CFAP57: variants seen among roughly 807,000 people sequenced by gnomAD.
CFAP57 encodes the protein cilia- and flagella-associated protein 57.
A neutral mutation model predicts 146.8 loss-of-function variants in CFAP57; 116 were observed. The observed-to-expected ratio is 0.79, with a 90% confidence interval of 0.68 to 0.92. The LOEUF (loss-of-function observed/expected upper bound fraction) is 0.92, where lower values mean the gene tolerates loss of function less well. Among genes scored for constraint, CFAP57 ranks in the 40% least tolerant of loss-of-function variants. The probability of loss-of-function intolerance (pLI) is 0.00; values close to 1 mark genes in which losing one functional copy is unlikely to be tolerated. For synonymous variants in CFAP57, 518 were observed against 552.8 expected (o/e 0.94, Z 0.88); for missense variants, 1,377 against 1,527.2 (o/e 0.90, Z 1.64).
chr1:43,176,916 G>C (rs897190029), intron 2 of CFAP57, among the ~76,000 whole-genome samples: 1 of 152,086 alleles, frequency 6.6e-6, no homozygotes, highest in Non-Finnish European at 1.5e-5. Context: ...AGTTAGGAGG[G>C]TGCTTATTGT....
At chr1:43,218,481 G>T (rs1644920450) in intron 12 of CFAP57, among the ~76,000 whole-genome samples, 1 of 151,990 alleles carries the variant, frequency 6.6e-6, no homozygotes, top group African/African-American at 2.4e-5. Context: ...GGTGGGGCAT[G>T]CCTGTAGTCC....
intron 11 of CFAP57, 53 bp downstream of exon 11, chr1:43,209,969 C>T: frequency 1.9e-6 from 3 of 1,613,430 alleles, no homozygotes; most frequent in Non-Finnish European, 2.5e-6. Flanking sequence ...CTGCTACGTG[C>T]CTTGTTCATC....
chr1:43,214,748 A>G (rs1644769657), intron 11 of CFAP57, among the ~76,000 whole-genome samples: 2 of 152,272 alleles, frequency 1.3e-5, no homozygotes, highest in Non-Finnish European at 2.9e-5. Flanking sequence ...CCAAGAATGT[A>G]TGAGACCCAG....
At chr1:43,244,043 A>G (rs1266478059) in intron 22 of CFAP57, among the ~76,000 whole-genome samples, 3 of 152,236 alleles carry the variant, frequency 2.0e-5, no homozygotes, top group Non-Finnish European at 4.4e-5. Flanking sequence ...TCTCTGAGAA[A>G]CTTACCACAT....
intron 21 of CFAP57, among the ~76,000 whole-genome samples, chr1:43,240,892 T>C (rs990873445): frequency 6.6e-6 from 1 of 152,202 alleles, no homozygotes; most frequent in African/African-American, 2.4e-5. Context: ...TGGAGTGCAG[T>C]GGCACGATCT....
At chr1:43,192,511 T>C (rs1433029982) in intron 6 of CFAP57, among the ~76,000 whole-genome samples, 1 of 152,118 alleles carries the variant, frequency 6.6e-6, no homozygotes, top group African/African-American at 2.4e-5. Context: ...TAATCCCAGC[T>C]ACTCAGGAGG....
At chr1:43,190,777 TTATAC>T (rs1208316688) in intron 6 of CFAP57, among the ~76,000 whole-genome samples, 8 of 152,132 alleles carry the variant, frequency 5.3e-5, no homozygotes, top group Non-Finnish European at 1.5e-5. Context: ...ATATAGTATA[TTATAC>T]TAAGTGATTT....
intron 6 of CFAP57, among the ~76,000 whole-genome samples, chr1:43,192,788 G>A (rs890814866): frequency 2.0e-5 from 3 of 151,700 alleles, no homozygotes; most frequent in Admixed American, 6.6e-5. Flanking sequence ...TTAGCTGGGC[G>A]TGGTGGCACA....
intron 9 of CFAP57, among the ~76,000 whole-genome samples, chr1:43,200,495 AAAAGAAAGAAAG>A (rs376180757): frequency 4.7e-5 from 7 of 150,510 alleles, no homozygotes; most frequent in African/African-American, 1.7e-4. Context: ...CTGAAAAAAA[AAAAGAAAGAAAG>A]AAAGAAAGAA....
chr1:43,175,788 A>G (rs971170425), intron 2 of CFAP57, among the ~76,000 whole-genome samples: 1 of 150,060 alleles, frequency 6.7e-6, no homozygotes, highest in African/African-American at 2.5e-5. Context: ...TTACAGGTGC[A>G]AGCCACCACA....
Position 43,172,929 on chromosome 1 carries a change from T to C in CFAP57, c.157+19T>C, listed in dbSNP as rs748986073. 6.2e-7 allele frequency: 1 copy of C among 1,609,680 alleles called. No homozygotes were observed. The highest frequency in any genetic ancestry group is 2.2e-5 in the East Asian group (1 of 44,858). On this transcript the variant is annotated intron_variant, in intron 2 of 22. Transcript: ENST00000372492. ...ATTCCAGGTAAAACTTTTTCCATCC[T>C]GACATATACAGGAATGGTATGTGCC...
At chr1:43,248,533 G>A (rs967963535) in intron 22 of CFAP57, among the ~76,000 whole-genome samples, 10 of 151,386 alleles carry the variant, frequency 6.6e-5, no homozygotes, top group Non-Finnish European at 1.2e-4. Context: ...TGTTATCCAG[G>A]ATGGTCTTGA....
At chr1:43,185,045 T>G in intron 4 of CFAP57, 104 bp from the exon 5 acceptor site, 1 of 1,226,768 alleles carries the variant, frequency 8.2e-7, no homozygotes, top group Non-Finnish European at 1.2e-6. Context: ...GATCATTGGG[T>G]GGTTTCTGTC....
intron 11 of CFAP57, chr1:43,211,600 A>G (rs1322948056): frequency 2.7e-5 from 4 of 149,874 alleles, no homozygotes; most frequent in African/African-American, 9.8e-5. Context: ...AAATCCTCAT[A>G]ATGGTATCAT....
chr1:43,239,023 C>T (rs376788165), intron 21 of CFAP57, among the ~76,000 whole-genome samples: 3 of 151,828 alleles, frequency 2.0e-5, no homozygotes, highest in East Asian at 2.0e-4. Context: ...TTCTGCTTGC[C>T]GCCTCCTGGC....
chr1:43,236,912 C>CG (rs112784557), intron 21 of CFAP57, among the ~76,000 whole-genome samples: 2 of 122,592 alleles, frequency 1.6e-5, no homozygotes, highest in African/African-American at 2.9e-5. Flanking sequence ...CCATCCCCCC[C>CG]CAAAAAAAAA....
At chr1:43,245,802 T>A (rs1411919655) in intron 22 of CFAP57, among the ~76,000 whole-genome samples, 1 of 152,154 alleles carries the variant, frequency 6.6e-6, no homozygotes, top group Admixed American at 6.5e-5. Flanking sequence ...AGGAAAGAAC[T>A]CCTCCAGACT....
chr1:43,251,269 A>G (rs1164759323), intron 22 of CFAP57, among the ~76,000 whole-genome samples: 1 of 152,264 alleles, frequency 6.6e-6, no homozygotes, highest in Non-Finnish European at 1.5e-5. Context: ...CAGGTGCTGC[A>G]GCCAAGGAGA....
intron 22 of CFAP57, among the ~76,000 whole-genome samples, chr1:43,253,553 A>G (rs764901601): frequency 4.6e-5 from 7 of 152,146 alleles, no homozygotes; most frequent in Admixed American, 1.3e-4. Flanking sequence ...GAGTGGACAC[A>G]CCTGGAGAGG....
Sources: allele counts gnomAD v4.1 joint callset (sites outside exome capture counted in the v4.1 genomes callset), GRCh38; gene constraint gnomAD v4.1.1; transcripts MANE v1.5; gene names NCBI Gene and HGNC (gene_info 2026-07-23, HGNC 2026-07-21).